Variants in SNX8 observed in about 807,000 individuals in gnomAD.
SNX8 encodes the protein sorting nexin 8.
SNX8 carries 25 observed loss-of-function variants against 51.6 expected under a neutral mutation model. The observed-to-expected ratio is 0.48, with a 90% confidence interval of 0.35 to 0.68. The LOEUF is 0.68. Ranked by LOEUF, SNX8 falls within the 30% of genes least tolerant of loss-of-function variation. The probability of loss-of-function intolerance (pLI) is 0.00; values close to 1 mark genes in which losing one functional copy is unlikely to be tolerated. For synonymous variants in SNX8, 324 were observed against 277.0 expected, an observed-to-expected ratio of 1.17 and a Z score of -1.68; for missense variants, 695 against 624.0, an observed-to-expected ratio of 1.11 and a Z score of -1.21.
At chr7:2,354,061 G>C (rs923086902) in intron 1 of SNX8, 1 of 152,546 alleles carries the variant, frequency 6.6e-6, no homozygotes, top group Non-Finnish European at 1.5e-5. Context: ...AGCTCCACGC[G>C]GCGAGGACCC....
chr7:2,259,062 G>C (rs1393350988), intron 7 of SNX8, among the ~76,000 whole-genome samples: 1 of 152,204 alleles, frequency 6.6e-6, no homozygotes, highest in Non-Finnish European at 1.5e-5. Flanking sequence ...CGAACACACG[G>C]TGCTCAGAGG....
chr7:2,317,260 T>C, upstream of SNX8, among the ~76,000 whole-genome samples: 1 of 70,122 alleles, frequency 1.4e-5, no homozygotes, highest in Non-Finnish European at 2.4e-5. Context: ...TCTTTTTTTT[T>C]TTTTTTTTTT....
chr7:2,281,140 A>G (rs554119572), intron 1 of SNX8, among the ~76,000 whole-genome samples: 6 of 152,190 alleles, frequency 3.9e-5, no homozygotes, highest in Non-Finnish European at 5.9e-5. Context: ...AAAGAAAGAA[A>G]AAGACCAGGT....
At chr7:2,331,562 G>A (rs1454868263) in intron 1 of SNX8, among the ~76,000 whole-genome samples, 5 of 151,620 alleles carry the variant, frequency 3.3e-5, no homozygotes, top group Admixed American at 2.0e-4. Flanking sequence ...AAAATTAGCC[G>A]GGCGTGGTGG....
chr7:2,336,355 G>A (rs1359739978), intron 1 of SNX8, among the ~76,000 whole-genome samples: 7 of 151,422 alleles, frequency 4.6e-5, no homozygotes, highest in Non-Finnish European at 7.4e-5. Context: ...AGCCGAGATC[G>A]TGCCATTTCA....
intron 3 of SNX8, among the ~76,000 whole-genome samples, chr7:2,274,795 T>G (rs368793606): frequency 6.6e-6 from 1 of 152,180 alleles, no homozygotes; most frequent in African/African-American, 2.4e-5. Flanking sequence ...TCGGGAGCTC[T>G]CGGGAGCCCT....
chr7:2,269,606 A>C lies in SNX8; in HGVS notation c.574T>G (p.Cys192Gly). 6.2e-7 allele frequency: 1 copy of C among 1,601,564 alleles called. No individual in the cohort carries two copies. The highest frequency in any genetic ancestry group is 8.5e-7 in the Non-Finnish European group (1 of 1,174,234). Residue 192 changes from cysteine (C) to glycine (G), a missense_variant, in exon 5 of 11, where the codon TGC (cysteine) becomes GGC (glycine). Coordinates refer to ENST00000222990, the MANE Select transcript of SNX8 (RefSeq NM_013321.4). ...CAGTTCAGGAATTCGTCCCCGACGC[A>C]CTGTGCTGACTCCTTTAACTTGTTC... ...VQNKLKESAQ[C>G]VGDEFLNCKL...
chr7:2,352,321 C>G (rs1399195408), intron 1 of SNX8, among the ~76,000 whole-genome samples: 1 of 151,874 alleles, frequency 6.6e-6, no homozygotes, highest in Non-Finnish European at 1.5e-5. Flanking sequence ...AACACAGTAG[C>G]CCCCCCGACC....
Position 2,275,170 on chromosome 7 carries a change from G to A in SNX8, c.360C>T (p.Leu120=), listed in dbSNP as rs772616271. The change falls in exon 3 of 11, where the codon CTC becomes CTT. Residue 120 remains leucine, a synonymous_variant. Transcript: ENST00000222990. ...CCATACGGTAGGGGAACTTGTGCAG[G>A]AGCATCTCCTGGAAGACCACGAAGT... The part of the protein sequence containing the change: ...YNDFVVFQEM[L]LHKFPYRMVP... 7.4e-6 allele frequency: 12 copies of A among 1,614,068 alleles called. No individual in the cohort carries two copies. In the African/African-American group the frequency reaches 8.0e-5, roughly 11 times the overall value.
chr7:2,267,993 G>A (rs1285433613), intron 5 of SNX8, among the ~76,000 whole-genome samples: 2 of 148,324 alleles, frequency 1.3e-5, no homozygotes, highest in African/African-American at 5.1e-5. Context: ...GAGCGCCTCT[G>A]CCCGGCCGAG....
At chr7:2,286,184 G>A (rs1241279247) in intron 1 of SNX8, among the ~76,000 whole-genome samples, 1 of 150,724 alleles carries the variant, frequency 6.6e-6, no homozygotes, top group East Asian at 2.0e-4. Context: ...ACTAATTTTT[G>A]TATTTTGGGT....
chr7:2,294,032 G>C (rs1032052649), intron 1 of SNX8, among the ~76,000 whole-genome samples: 1 of 151,242 alleles, frequency 6.6e-6, no homozygotes, highest in Non-Finnish European at 1.5e-5. Flanking sequence ...GGGAGGCCGA[G>C]GTGGGTGGAT....
At chr7:2,351,212 G>A (rs775210945) in intron 1 of SNX8, among the ~76,000 whole-genome samples, 2 of 152,184 alleles carry the variant, frequency 1.3e-5, no homozygotes, top group Non-Finnish European at 2.9e-5. Context: ...CTGCTGCCAG[G>A]GTTGGTGCGG....
At chr7:2,333,063 GTTCT>G (rs1778768070) in intron 1 of SNX8, among the ~76,000 whole-genome samples, 1 of 151,830 alleles carries the variant, frequency 6.6e-6, no homozygotes, top group Non-Finnish European at 1.5e-5. Context: ...GAGCCCAGGA[GTTCT>G]TTTTTGTTTC....
chr7:2,271,985 C>T lies in SNX8; in HGVS notation c.419-14G>A, dbSNP rs565168477. The T allele has an allele frequency of 8.7e-6, 14 of 1,613,648 alleles. No individual in the cohort carries two copies. The highest frequency in any genetic ancestry group is 1.3e-5 in the African/African-American group (1 of 74,932). ...ACTCCCTGTCAGCTGGAGGAGCACA[C>T]GGGGTCACTGGACAGAGTCCAGGGC... On this transcript the variant is annotated splice_polypyrimidine_tract_variant and intron_variant, in intron 3 of 10. Coordinates refer to ENST00000222990, the MANE Select transcript of SNX8 (RefSeq NM_013321.4).
rs112904619 is a variant in SNX8, at chr7:2,305,213, C to T, written c.94+9115G>A. Among the ~76,000 whole-genome samples, 1,502 of 152,294 alleles carry T rather than the reference C, an allele frequency of 9.9e-3. 18 individuals carry two copies. The highest frequency in any genetic ancestry group is 0.028 in the African/African-American group (1,180 of 41,560). ...CAGTGCCCTCTGTTAGGAGCAGACA[C>T]TGAGGCAAGAAAACGGATTTCACCC... On this transcript the variant is annotated intron_variant, in intron 1 of 10. Coordinates refer to ENST00000222990, the MANE Select transcript of SNX8 (RefSeq NM_013321.4).
chr7:2,288,876 C>A (rs907398451), intron 1 of SNX8, among the ~76,000 whole-genome samples: 1 of 152,116 alleles, frequency 6.6e-6, no homozygotes, highest in Non-Finnish European at 1.5e-5. Flanking sequence ...GCTGGGACCA[C>A]AGGCACATGC....
In SNX8 at chr7:2,334,087, T is replaced by C. The variant is rs141809931; in HGVS notation, c.-66+20135A>G. Among the ~76,000 whole-genome samples the C allele has an allele frequency of 2.0e-4, 30 of 151,612 alleles. No individual in the cohort carries two copies. In the East Asian group the frequency reaches 4.3e-3, roughly 22 times the overall value. ...GAGTTCCAGACCAGATTGGGCAACATAGGGAGCCTCAGTCTCTACAAATAA... is the reference window on the plus strand; with the variant it reads ...GAGTTCCAGACCAGATTGGGCAACACAGGGAGCCTCAGTCTCTACAAATAA... On this transcript the variant is annotated intron_variant, in intron 1 of 5. Transcript: ENST00000435336.
intron 7 of SNX8, among the ~76,000 whole-genome samples, chr7:2,261,584 C>T (rs113623636): frequency 4.6e-5 from 7 of 152,348 alleles, no homozygotes; most frequent in African/African-American, 1.7e-4. Flanking sequence ...CCCTGAGGTC[C>T]TCTGTCTCTA....
Sources: allele counts gnomAD v4.1 joint callset (sites outside exome capture counted in the v4.1 genomes callset), GRCh38; gene constraint gnomAD v4.1.1; transcripts MANE v1.5; gene names NCBI Gene and HGNC (gene_info 2026-07-23, HGNC 2026-07-21).